Variants in PTPRA observed in about 807,000 individuals in gnomAD.
The protein encoded by PTPRA is protein tyrosine phosphatase receptor type A.
A neutral mutation model predicts 104.8 loss-of-function variants in PTPRA; 25 were observed. The observed-to-expected ratio is 0.24, with a 90% confidence interval of 0.17 to 0.33. PTPRA has a LOEUF of 0.33. PTPRA is among the 10% of genes least tolerant of loss of function. The pLI is 1.00. For synonymous variants in PTPRA, 323 were observed against 368.9 expected (o/e 0.88, Z 1.43); for missense variants, 765 against 1,015.3 (o/e 0.75, Z 3.35).
At position 3,037,331 on chromosome 20, in the gene PTPRA, C is replaced by A; in HGVS notation, c.2334+42C>A. The A allele has an allele frequency of 6.2e-7, 1 of 1,606,850 alleles. No homozygotes were observed. The highest frequency in any genetic ancestry group is 8.5e-7 in the Non-Finnish European group (1 of 1,176,478). On this transcript the variant is annotated intron_variant, in intron 23 of 23. Transcript: ENST00000399903. The surrounding 1 kb of genome is among the most constrained non-coding windows in gnomAD (Gnocchi z 4.3). ...TTTGTCCCTGCCACCACACCACCTG[C>A]AGCCCTTCTCTCAGGGAGGAGGCTC...
chr20:2,968,976 G>A (rs2062047977), intron 5 of PTPRA, among the ~76,000 whole-genome samples: 1 of 152,122 alleles, frequency 6.6e-6, no homozygotes, highest in Admixed American at 6.5e-5. Flanking sequence ...GGGAGGCCAA[G>A]GCAGGTGGAT....
chr20:2,992,270 AC>A (rs2063207988), intron 9 of PTPRA, among the ~76,000 whole-genome samples: 1 of 152,136 alleles, frequency 6.6e-6, no homozygotes, highest in Admixed American at 6.5e-5. Flanking sequence ...TAATCCCTGC[AC>A]TTTGAGAGGC....
At chr20:2,928,296 T>C (rs974001723) in intron 2 of PTPRA, among the ~76,000 whole-genome samples, 2 of 151,984 alleles carry the variant, frequency 1.3e-5, no homozygotes, top group South Asian at 2.1e-4. Flanking sequence ...TCACCACGCC[T>C]GGCTAATTTT....
chr20:2,877,169 T>G (rs2089774013), intron 1 of PTPRA, among the ~76,000 whole-genome samples: 1 of 152,188 alleles, frequency 6.6e-6, no homozygotes, highest in Non-Finnish European at 1.5e-5. Context: ...AGAGGGAAAC[T>G]GGCCAAATAT....
At position 3,034,652 on chromosome 20, in the gene PTPRA, A is replaced by G. The variant is rs146103306; in HGVS notation, c.1921-933A>G. Among the ~76,000 whole-genome samples, 366 of 152,110 alleles carry G rather than the reference A, an allele frequency of 2.4e-3. 1 individual carries two copies. The highest frequency in any genetic ancestry group is 0.024 in the South Asian group (115 of 4,818). On this transcript the variant is annotated intron_variant, in intron 20 of 23. Transcript: ENST00000399903. ...TAGAGAACATGGGTGGAAAAGCACTAGTCCAGGGCATGTTCTTGATTCAAC... is the reference window on the plus strand; with the variant it reads ...TAGAGAACATGGGTGGAAAAGCACTGGTCCAGGGCATGTTCTTGATTCAAC...
At chr20:2,928,985 A>G (rs919255997) in intron 2 of PTPRA, among the ~76,000 whole-genome samples, 6 of 151,792 alleles carry the variant, frequency 4.0e-5, no homozygotes, top group African/African-American at 1.2e-4. Flanking sequence ...ATGCGCTACT[A>G]CACCCAGCTA....
intron 13 of PTPRA, among the ~76,000 whole-genome samples, chr20:3,018,957 C>T (rs1303240777): frequency 3.7e-5 from 5 of 134,276 alleles, no homozygotes; most frequent in Non-Finnish European, 6.4e-5. Flanking sequence ...ACCTCCCGGA[C>T]GGGGCGGCTG....
In PTPRA at chr20:2,964,316, T is replaced by C; in HGVS notation, c.39T>C (p.Gly13=). 1 of 1,609,138 alleles carries C rather than the reference T, an allele frequency of 6.2e-7. No homozygotes were observed. Among genetic ancestry groups the C allele is most frequent in the Non-Finnish European group, 8.5e-7 (1 of 1,178,550 alleles). The change falls in exon 4 of 24, where the codon GGT becomes GGC. Residue 13 remains glycine, a synonymous_variant. Coordinates refer to ENST00000399903, the MANE Select transcript of PTPRA (RefSeq NM_001385305.1). ...SWFILVLLGS[G]LICVSANNAT... Reference sequence around the variant, plus strand: ...TCATTCTTGTTCTGCTCGGCAGTGGTCTGATATGTGTCAGTGCCAACAATG... The same window carrying C: ...TCATTCTTGTTCTGCTCGGCAGTGGCCTGATATGTGTCAGTGCCAACAATG...
intron 6 of PTPRA, among the ~76,000 whole-genome samples, chr20:2,981,295 G>C (rs1403528226): frequency 6.6e-6 from 1 of 152,146 alleles, no homozygotes; most frequent in African/African-American, 2.4e-5. Flanking sequence ...ACATACCTAA[G>C]TAATTGCATT....
the PTPRA span, chr20:2,864,850 T>G: frequency 7.7e-7 from 1 of 1,291,006 alleles, no homozygotes; most frequent in Non-Finnish European, 1.1e-6. This position sits in a 1 kb window ranked among gnomAD's most constrained non-coding sequence, Gnocchi z 5.2. Context: ...ATCAGAGTGG[T>G]GCACCTAGCA....
Position 3,014,950 on chromosome 20 carries a change from A to C in PTPRA, c.907-899A>C, listed in dbSNP as rs1034843149. Among the ~76,000 whole-genome samples, 6 of 152,350 alleles carry C rather than the reference A, an allele frequency of 3.9e-5. No homozygotes were observed. In the South Asian group the frequency reaches 1.2e-3, roughly 32 times the overall value. On this transcript the variant is annotated intron_variant, in intron 11 of 23. Transcript: ENST00000399903. The stretch of plus-strand genomic sequence containing the variant: ...AAAAAGAAAGCTGCGGCCAGTTGTT[A>C]GTTTTTCCGAGGCTCCTTATCTGTT...
chr20:2,973,983 G>T (rs1374059870), intron 5 of PTPRA, among the ~76,000 whole-genome samples: 1 of 142,776 alleles, frequency 7.0e-6, no homozygotes, highest in African/African-American at 2.6e-5. Flanking sequence ...ATGGAGTCTC[G>T]CTCTGTTGCC....
chr20:2,889,125 G>A (rs2058703348), intron 1 of PTPRA, among the ~76,000 whole-genome samples: 1 of 152,156 alleles, frequency 6.6e-6, no homozygotes, highest in Non-Finnish European at 1.5e-5. Flanking sequence ...TATACAGAAG[G>A]ACTATTTTAA....
chr20:2,943,503 CAA>C (rs1192647152), intron 2 of PTPRA, among the ~76,000 whole-genome samples: 2 of 152,004 alleles, frequency 1.3e-5, no homozygotes, highest in Admixed American at 1.3e-4. Context: ...CTTCTGTACT[CAA>C]GAGTCCATTG....
At chr20:2,958,593 G>A (rs1477699734) in intron 3 of PTPRA, among the ~76,000 whole-genome samples, 1 of 149,198 alleles carries the variant, frequency 6.7e-6, no homozygotes, top group African/African-American at 2.5e-5. Flanking sequence ...GGCCAAGGCG[G>A]GTGGATCACT....
intron 2 of PTPRA, among the ~76,000 whole-genome samples, chr20:2,941,611 C>T (rs2060923197): frequency 6.6e-6 from 1 of 152,344 alleles, no homozygotes; most frequent in Non-Finnish European, 1.5e-5. Flanking sequence ...TGCTTCTGTT[C>T]TTCAAAGGCT....
chr20:3,031,861 C>T (rs185685863), intron 20 of PTPRA, among the ~76,000 whole-genome samples: 1 of 152,266 alleles, frequency 6.6e-6, no homozygotes, highest in Non-Finnish European at 1.5e-5. Flanking sequence ...CTTATTCCCT[C>T]ATGCTTTCTT....
chr20:3,038,270 G>A lies in PTPRA; in HGVS notation c.*137G>A. 1.3e-6 allele frequency: 1 copy of A among 758,064 alleles called. No individual in the cohort carries two copies. The highest frequency in any genetic ancestry group is 2.8e-5 in the East Asian group (1 of 36,258). The allele number at this position is 758,064 out of a possible 1,614,324, so 47.0% of individuals were successfully genotyped here. On this transcript the variant is annotated 3_prime_UTR_variant, in exon 24 of 24. Coordinates refer to ENST00000399903, the MANE Select transcript of PTPRA (RefSeq NM_001385305.1). Reference sequence around the variant, plus strand: ...GTACATAGGCTTCTATTACCTATTAGGTGGAAATTTTATATGTAAATGTGT... The same window carrying A: ...GTACATAGGCTTCTATTACCTATTAAGTGGAAATTTTATATGTAAATGTGT...
At chr20:2,894,643 G>T (rs1282467075) in intron 1 of PTPRA, among the ~76,000 whole-genome samples, 1 of 151,422 alleles carries the variant, frequency 6.6e-6, no homozygotes, top group Non-Finnish European at 1.5e-5. Flanking sequence ...CTACCAGTTT[G>T]TGATCTTCAC....
Sources: gnomAD v4.1 joint callset for allele counts (sites outside exome capture counted in the v4.1 genomes callset) on GRCh38, gnomAD v4.1.1 for gene constraint, Gnocchi (gnomAD v3.1) non-coding constraint, MANE v1.5 for transcripts, NCBI Gene and HGNC (gene_info 2026-07-23, HGNC 2026-07-21) for gene names.